The following SOSTDC1 variants were observed in gnomAD, a reference collection of about 807,000 sequenced individuals.
The protein encoded by SOSTDC1 is sclerostin domain-containing protein 1.
A neutral mutation model predicts 15.1 loss-of-function variants in SOSTDC1; 7 were observed. The ratio of observed to expected loss-of-function variants is 0.46; its 90% CI spans 0.26 to 0.87. The LOEUF (loss-of-function observed/expected upper bound fraction) is 0.87, where lower values mean the gene tolerates loss of function less well. Among genes scored for constraint, SOSTDC1 ranks in the 40% least tolerant of loss-of-function variants. The pLI, the probability that SOSTDC1 is intolerant of heterozygous loss-of-function variation, is 0.15. For synonymous variants in SOSTDC1, 94 were observed against 93.2 expected (o/e 1.01, Z -0.05); for missense variants, 242 against 259.2 (o/e 0.93, Z 0.46).
intron 1 of SOSTDC1, chr7:16,464,353 C>T: frequency 6.4e-7 from 1 of 1,550,448 alleles, no homozygotes; most frequent in South Asian, 1.2e-5. Flanking sequence ...CTGGAAATAG[C>T]CAGAAATAAT....
In SOSTDC1 at chr7:16,465,699, C is replaced by A; in HGVS notation, c.-31G>T. 6.3e-7 allele frequency: 1 copy of A among 1,594,746 alleles called. No homozygotes were observed. The highest frequency in any genetic ancestry group is 8.6e-7 in the Non-Finnish European group (1 of 1,163,532). On this transcript the variant is annotated 5_prime_UTR_variant, in exon 1 of 2. Transcript: ENST00000307068. ...GTAGAGGATTTGCTTGACTGAAGAG[C>A]TGGTTAATTCTTTTGCTTCTGCTTC...
chr7:16,465,510 G>T lies in SOSTDC1; in HGVS notation c.159C>A (p.Ala53=). Residue 53 remains alanine (A), a synonymous_variant, in exon 1 of 2, where the codon GCC becomes GCA. Coordinates refer to ENST00000307068, the MANE Select transcript of SOSTDC1 (RefSeq NM_015464.3). ...HPSSNSTLNQ[A]RNGGRHFSNT... Reference sequence around the variant, plus strand: ...TACTGAAATGCCTGCCTCCATTTCTGGCTTGATTCAACGTGCTGTTGCTGC... The same window carrying T: ...TACTGAAATGCCTGCCTCCATTTCTTGCTTGATTCAACGTGCTGTTGCTGC... 5 of 1,614,126 alleles carry T rather than the reference G, an allele frequency of 3.1e-6. No individual in the cohort carries two copies. Among genetic ancestry groups the T allele is most frequent in the Non-Finnish European group, 2.5e-6 (3 of 1,180,000 alleles).
chr7:16,465,576 G>T lies in SOSTDC1; in HGVS notation c.93C>A (p.Ile31=), dbSNP rs759865876. The T allele has an allele frequency of 6.2e-7, 1 of 1,614,006 alleles. No individual in the cohort carries two copies. The highest frequency in any genetic ancestry group is 1.7e-5 in the Admixed American group (1 of 59,994). The change falls in exon 1 of 2, where the codon ATC becomes ATA. Residue 31 remains isoleucine, a synonymous_variant. Transcript: ENST00000307068. ...CLAFKNDATE[I]LYSHVVKPVP... is the part of the protein sequence containing the mutation. Reference sequence around the variant, plus strand: ...CAGGTTTAACCACATGTGAATAAAGGATTTCTGTGGCATCATTTTTAAAAG... The same window carrying T: ...CAGGTTTAACCACATGTGAATAAAGTATTTCTGTGGCATCATTTTTAAAAG...
Position 16,465,736 on chromosome 7 carries a change from T to C in SOSTDC1, c.-68A>G. 1 of 1,408,334 alleles carries C rather than the reference T, an allele frequency of 7.1e-7. No individual in the cohort carries two copies. The allele number at this position is 1,408,334 out of a possible 1,614,324, so 87.2% of individuals were successfully genotyped here. ...TTTGCTTCTGCTTCTGCACTGTAAC[T>C]GTGAAATTCCTCCTCAAGCTTCCCT... On this transcript the variant is annotated 5_prime_UTR_variant, in exon 1 of 2. Coordinates refer to ENST00000307068, the MANE Select transcript of SOSTDC1 (RefSeq NM_015464.3).
chr7:16,463,465 C>T lies in SOSTDC1; in HGVS notation c.206-502G>A, dbSNP rs61540132. On this transcript the variant is annotated intron_variant, in intron 1 of 1. Coordinates refer to ENST00000307068, the MANE Select transcript of SOSTDC1 (RefSeq NM_015464.3). ...AAATATTGTGTATAATGCATATGCT[C>T]TCGGTAATATTTTATTTCAATTATA... 2.9e-3 allele frequency among the ~76,000 whole-genome samples: 440 copies of T among 152,204 alleles called. 3 individuals carry two copies. The highest frequency in any genetic ancestry group is 0.01 in the African/African-American group (421 of 41,508).
At position 16,462,440 on chromosome 7, in the gene SOSTDC1, G is replaced by A; in HGVS notation, c.*108C>T. The A allele has an allele frequency of 7.6e-6, 9 of 1,189,700 alleles. No homozygotes were observed. Among genetic ancestry groups the A allele is most frequent in the Non-Finnish European group, 1.1e-5 (9 of 822,488 alleles). The allele number at this position is 1,189,700 out of a possible 1,614,324, so 73.7% of individuals were successfully genotyped here. A position where few individuals can be genotyped will look rare whatever the true frequency, so the allele number is the denominator to read the frequency against. Reference sequence around the variant, plus strand: ...TTGCTGGGTTTGATCAAAGCAGAAAGCATATACTTTCAAGTGAGAAAACAG... The same window carrying A: ...TTGCTGGGTTTGATCAAAGCAGAAAACATATACTTTCAAGTGAGAAAACAG... On this transcript the variant is annotated 3_prime_UTR_variant, in exon 2 of 2. Transcript: ENST00000307068.
At position 16,462,189 on chromosome 7, in the gene SOSTDC1, G is replaced by C. The variant is rs1781220626; in HGVS notation, c.*359C>G. The C allele has an allele frequency of 5.6e-6, 1 of 178,096 alleles. No homozygotes were observed. Among genetic ancestry groups the C allele is most frequent in the South Asian group, 1.5e-4 (1 of 6,462 alleles). 11.0% of individuals were successfully genotyped at this position (178,096 alleles called of 1,614,324 possible). A position where few individuals can be genotyped will look rare whatever the true frequency, so the allele number is the denominator to read the frequency against. ...TTTTGAAGGAGTTTTGTTTAGGAGA[G>C]GGGATGGGCCAGTAGATGGAGGGTA... On this transcript the variant is annotated 3_prime_UTR_variant, in exon 2 of 2. Transcript: ENST00000307068.
intron 1 of SOSTDC1, among the ~76,000 whole-genome samples, chr7:16,465,156 C>CT (rs1272182523): frequency 6.6e-6 from 1 of 152,092 alleles, no homozygotes; most frequent in Non-Finnish European, 1.5e-5. Flanking sequence ...TAAAACAATA[C>CT]TTTTTAAAAT....
chr7:16,464,519 A>G, intron 1 of SOSTDC1: 1 of 646,766 alleles, frequency 1.5e-6, no homozygotes. Flanking sequence ...CGTGAAAGTT[A>G]AAACATCCTA....
chr7:16,465,394 A>G (rs1019215338), intron 1 of SOSTDC1, 70 bp downstream of exon 1: 13 of 1,343,276 alleles, frequency 9.7e-6, no homozygotes, highest in Non-Finnish European at 1.4e-5. Context: ...CAATAAAACA[A>G]TTCTACAGGA....
chr7:16,462,969 G>A lies in SOSTDC1; in HGVS notation c.206-6C>T. On this transcript the variant is annotated splice_polypyrimidine_tract_variant and splice_region_variant and intron_variant, in intron 1 of 1. Coordinates refer to ENST00000307068, the MANE Select transcript of SOSTDC1 (RefSeq NM_015464.3). Reference sequence around the variant, plus strand: ...GCAACCCACTTGAACCCGAGCTGCAGGAAACAAAAAAGAATGTGCATCAGA... The same window carrying A: ...GCAACCCACTTGAACCCGAGCTGCAAGAAACAAAAAAGAATGTGCATCAGA... 2.6e-6 allele frequency: 4 copies of A among 1,527,144 alleles called. No individual in the cohort carries two copies. Among genetic ancestry groups the A allele is most frequent in the Admixed American group, 4.2e-5 (2 of 47,332 alleles). 94.6% of individuals were successfully genotyped at this position (1,527,144 alleles called of 1,614,324 possible). A position where few individuals can be genotyped will look rare whatever the true frequency, so the allele number is the denominator to read the frequency against.
In SOSTDC1 at chr7:16,462,514, G is replaced by C; in HGVS notation, c.*34C>G. ...AGCAATCAAATCTGTAAAGCAGATGGTTACTAGTAAGTCTAGTTATGGGAG... is the reference window on the plus strand; with the variant it reads ...AGCAATCAAATCTGTAAAGCAGATGCTTACTAGTAAGTCTAGTTATGGGAG... On this transcript the variant is annotated 3_prime_UTR_variant, in exon 2 of 2. Coordinates refer to ENST00000307068, the MANE Select transcript of SOSTDC1 (RefSeq NM_015464.3). 1 of 1,596,740 alleles carries C rather than the reference G, an allele frequency of 6.3e-7. No individual in the cohort carries two copies.
chr7:16,464,397 T>C (rs199905881), intron 1 of SOSTDC1: 3 of 1,548,398 alleles, frequency 1.9e-6, no homozygotes, highest in Non-Finnish European at 2.6e-6. Context: ...CCTGTGTATA[T>C]ACAGATTTGG....
At position 16,462,148 on chromosome 7, in the gene SOSTDC1, T is replaced by C. The variant is rs1781219902; in HGVS notation, c.*400A>G. 1 of 164,300 alleles carries C rather than the reference T, an allele frequency of 6.1e-6. No individual in the cohort carries two copies. The highest frequency in any genetic ancestry group is 1.7e-4 in the East Asian group (1 of 5,954). The allele number at this position is 164,300 out of a possible 1,614,324, so 10.2% of individuals were successfully genotyped here. ...GTTACTGTGAAGATTCATGACAACATATTTTTTTTAACCTGTTTTGAAGGA... is the reference window on the plus strand; with the variant it reads ...GTTACTGTGAAGATTCATGACAACACATTTTTTTTAACCTGTTTTGAAGGA... On this transcript the variant is annotated 3_prime_UTR_variant, in exon 2 of 2. Coordinates refer to ENST00000307068, the MANE Select transcript of SOSTDC1 (RefSeq NM_015464.3).
intron 1 of SOSTDC1, 94 bp from the exon 2 acceptor site, chr7:16,463,057 G>A: frequency 7.9e-7 from 1 of 1,271,470 alleles, no homozygotes; most frequent in Non-Finnish European, 1.1e-6. Flanking sequence ...ATAGGCAAAT[G>A]ATAGCAAATT....
intron 1 of SOSTDC1, among the ~76,000 whole-genome samples, chr7:16,465,035 T>A (rs746051168): frequency 4.3e-4 from 65 of 152,236 alleles, no homozygotes; most frequent in Non-Finnish European, 4.6e-4. Flanking sequence ...TGATTCCCTA[T>A]ATTTATTTGT....
chr7:16,464,652 T>TTCTCTCTC (rs72323066), intron 1 of SOSTDC1, among the ~76,000 whole-genome samples: 8,796 of 150,262 alleles, frequency 0.059, 435 homozygotes, highest in East Asian at 0.25. Context: ...TGCGCAGTGT[T>TTCTCTCTC]TCTCTCTCTC....
rs868666224 is a variant in SOSTDC1, at chr7:16,462,382, A to G, written c.*166T>C. ...TTGAAAAACTTGAAAAGGAAAAACT[A>G]TTCCCAAAGAAGGTCCTGATACTTA... On this transcript the variant is annotated 3_prime_UTR_variant, in exon 2 of 2. Coordinates refer to ENST00000307068, the MANE Select transcript of SOSTDC1 (RefSeq NM_015464.3). 2.9e-6 allele frequency: 2 copies of G among 684,006 alleles called. No homozygotes were observed. Among genetic ancestry groups the G allele is most frequent in the South Asian group, 2.1e-5 (1 of 46,746 alleles). The allele number at this position is 684,006 out of a possible 1,614,324, so 42.4% of individuals were successfully genotyped here.
Position 16,462,853 on chromosome 7 carries a change from G to C in SOSTDC1, c.316C>G (p.Pro106Ala). Residue 106 changes from proline to alanine, a missense_variant, in exon 2 of 2, where the codon CCC becomes GCC. Physicochemically the swap from Pro to Ala is conservative, Grantham distance 27. Transcript: ENST00000307068. ...ATCCAGTTAGGGAGCACTGGCAGGG[G>C]CAAGCACTCGCCAGCACACACCAGC... is the stretch of plus-strand genomic sequence containing the variant. ...KELVCAGECL[P>A]LPVLPNWIGG... 6.2e-7 allele frequency: 1 copy of C among 1,614,170 alleles called. No individual in the cohort carries two copies. The highest frequency in any genetic ancestry group is 1.7e-5 in the Admixed American group (1 of 60,024).
Sources: gnomAD v4.1 joint callset for allele counts (sites outside exome capture counted in the v4.1 genomes callset) on GRCh38, gnomAD v4.1.1 for gene constraint, MANE v1.5 for transcripts, NCBI Gene and HGNC (gene_info 2026-07-23, HGNC 2026-07-21) for gene names.